Variants in DPP10 observed in about 807,000 individuals in gnomAD.
DPP10 encodes dipeptidyl peptidase like 10.
In DPP10, 33 loss-of-function variants were observed where a neutral mutation model predicts 120.9. That is an observed-to-expected ratio of 0.27 (90% CI 0.21 to 0.37). The LOEUF (loss-of-function observed/expected upper bound fraction) is 0.37, where lower values mean the gene tolerates loss of function less well. DPP10 is among the 10% of genes least tolerant of loss of function. DPP10 has a pLI of 1.00. For synonymous variants in DPP10, 337 were observed against 326.1 expected, an observed-to-expected ratio of 1.03 and a Z score of -0.36; for missense variants, 816 against 942.8, an observed-to-expected ratio of 0.87 and a Z score of 1.76.
intron 1 of DPP10, among the ~76,000 whole-genome samples, chr2:115,150,822 T>A (rs1475914433): frequency 6.6e-6 from 1 of 152,222 alleles, no homozygotes; most frequent in African/African-American, 2.4e-5. Context: ...CGATGTAAAG[T>A]CTCATAGACA....
At chr2:114,946,823 CCTTT>C (rs1374660065) in intron 1 of DPP10, among the ~76,000 whole-genome samples, 3 of 151,614 alleles carry the variant, frequency 2.0e-5, no homozygotes, top group East Asian at 3.9e-4. Context: ...GGGATGTGTT[CCTTT>C]CTTTCTTTTT....
chr2:115,165,940 G>A (rs2052805836), intron 1 of DPP10, among the ~76,000 whole-genome samples: 1 of 152,114 alleles, frequency 6.6e-6, no homozygotes, highest in Admixed American at 6.6e-5. Flanking sequence ...ATGCATTTTG[G>A]TAAAAAACCA....
At chr2:114,739,744 T>G (rs1488237328) in intron 1 of DPP10, among the ~76,000 whole-genome samples, 2 of 152,174 alleles carry the variant, frequency 1.3e-5, no homozygotes, top group Non-Finnish European at 2.9e-5. Flanking sequence ...CGTTTAGATT[T>G]TCCTTTAGGG....
chr2:114,941,535 A>G (rs1305915179), intron 1 of DPP10, among the ~76,000 whole-genome samples: 1 of 152,254 alleles, frequency 6.6e-6, no homozygotes, highest in Non-Finnish European at 1.5e-5. Context: ...GCTAATAAGC[A>G]TAATAATATT....
At chr2:115,598,337 G>T (rs1427248661) in intron 5 of DPP10, among the ~76,000 whole-genome samples, 1 of 151,370 alleles carries the variant, frequency 6.6e-6, no homozygotes, top group Admixed American at 6.6e-5. Context: ...CCTTATGTTG[G>T]CCATCTTTCA....
intron 3 of DPP10, among the ~76,000 whole-genome samples, chr2:115,465,271 T>G (rs2105109889): frequency 6.6e-6 from 1 of 152,250 alleles, no homozygotes; most frequent in Admixed American, 6.5e-5. Flanking sequence ...AAACACACGG[T>G]TATCCTATTA....
At chr2:115,771,619 A>C (rs901474840) in intron 13 of DPP10, among the ~76,000 whole-genome samples, 32 of 152,102 alleles carry the variant, frequency 2.1e-4, no homozygotes, top group Non-Finnish European at 1.0e-4. Context: ...TACTGCCTAA[A>C]CAGTAATGCA....
intron 1 of DPP10, among the ~76,000 whole-genome samples, chr2:114,759,162 A>G (rs1051872731): frequency 5.3e-5 from 8 of 152,240 alleles, no homozygotes; most frequent in African/African-American, 1.9e-4. Flanking sequence ...TCATACTTAG[A>G]AGAAAAAGGC....
At chr2:114,453,881 C>CA (rs1463203708) in intron 1 of DPP10, among the ~76,000 whole-genome samples, 2 of 152,104 alleles carry the variant, frequency 1.3e-5, no homozygotes, top group African/African-American at 4.8e-5. Context: ...GTTGGATATA[C>CA]AATAGATATT....
At chr2:114,878,342 A>G (rs1691322538) in intron 1 of DPP10, among the ~76,000 whole-genome samples, 1 of 152,132 alleles carries the variant, frequency 6.6e-6, no homozygotes, top group African/African-American at 2.4e-5. Flanking sequence ...GGGCACATAT[A>G]TTCTGATACA....
At chr2:114,517,754 T>C (rs1338766682) in intron 1 of DPP10, among the ~76,000 whole-genome samples, 2 of 152,152 alleles carry the variant, frequency 1.3e-5, no homozygotes, top group Admixed American at 6.5e-5. Flanking sequence ...GGGCACAGAA[T>C]AGCTAAAGTT....
chr2:115,122,145 T>C (rs2104741881), intron 1 of DPP10, among the ~76,000 whole-genome samples: 1 of 152,266 alleles, frequency 6.6e-6, no homozygotes, highest in South Asian at 2.1e-4. Flanking sequence ...ATCCTAGGGG[T>C]TCCAGAATGA....
At chr2:114,592,933 C>T (rs1341281554) in intron 1 of DPP10, among the ~76,000 whole-genome samples, 2 of 152,116 alleles carry the variant, frequency 1.3e-5, no homozygotes, top group Non-Finnish European at 2.9e-5. Context: ...CTGTAAACCG[C>T]TATGTGTTGT....
At chr2:115,423,253 A>G (rs1384454280) in intron 3 of DPP10, among the ~76,000 whole-genome samples, 1 of 152,100 alleles carries the variant, frequency 6.6e-6, no homozygotes, top group Admixed American at 6.5e-5. Context: ...GAGGTTTATA[A>G]TCTTTGCTTA....
intron 1 of DPP10, among the ~76,000 whole-genome samples, chr2:114,540,670 G>A (rs1421913449): frequency 6.6e-6 from 1 of 152,134 alleles, no homozygotes; most frequent in Non-Finnish European, 1.5e-5. Context: ...CATTAAAATT[G>A]TTTATGATAT....
At position 114,489,385 on chromosome 2, in the gene DPP10, G is replaced by A. The variant is rs570745285; in HGVS notation, c.60+46547G>A. Among the ~76,000 whole-genome samples, 8 of 152,236 alleles carry A rather than the reference G, an allele frequency of 5.3e-5. No homozygotes were observed. The East Asian group carries it at 1.4e-3, about 26-fold the overall frequency. On this transcript the variant is annotated intron_variant, in intron 1 of 25. Transcript: ENST00000410059. ...GGGCAGAAGCTTCCCAACCACATGCGGATGAGCAGAAACAGCTGCATTTGC... is the reference window on the plus strand; with the variant it reads ...GGGCAGAAGCTTCCCAACCACATGCAGATGAGCAGAAACAGCTGCATTTGC...
rs1573931745 is a variant in DPP10, at chr2:115,185,241, G to C, written c.61-123998G>C. ...CTTTTATAGTTAGAGAAGGTTTTTT[G>C]TTTCTTTTTTTTTTTTTAACTTTTA... On this transcript the variant is annotated intron_variant, in intron 1 of 25. Coordinates refer to ENST00000410059, the MANE Select transcript of DPP10 (RefSeq NM_020868.6). Among the ~76,000 whole-genome samples the C allele has an allele frequency of 4.1e-5, 3 of 73,180 alleles. No individual in the cohort carries two copies. In the South Asian group the frequency reaches 1.5e-3, roughly 36 times the overall value. The allele number at this position is 73,180 out of a possible 152,430, so 48.0% of individuals were successfully genotyped here.
chr2:114,580,308 A>G (rs1459744358), intron 1 of DPP10, among the ~76,000 whole-genome samples: 2 of 152,242 alleles, frequency 1.3e-5, no homozygotes, highest in Non-Finnish European at 2.9e-5. Context: ...TTGATACATT[A>G]AAGATGTGAT....
chr2:115,419,715 A>T (rs1304629324), intron 3 of DPP10, among the ~76,000 whole-genome samples: 2 of 152,198 alleles, frequency 1.3e-5, no homozygotes, highest in Non-Finnish European at 2.9e-5. Context: ...ATATCTCTCT[A>T]TTCCTGATGA....
Sources: gnomAD v4.1 joint callset for allele counts (sites outside exome capture counted in the v4.1 genomes callset) on GRCh38, gnomAD v4.1.1 for gene constraint, MANE v1.5 for transcripts, NCBI Gene and HGNC (gene_info 2026-07-23, HGNC 2026-07-21) for gene names.